The following DPP10 variants were observed in gnomAD, a reference collection of about 807,000 sequenced individuals.
DPP10 encodes dipeptidyl peptidase like 10, also known as inactive dipeptidyl peptidase 10.
DPP10 carries 33 observed loss-of-function variants against 120.9 expected under a neutral mutation model. The observed-to-expected ratio is 0.27, with a 90% CI of 0.21 to 0.37. The LOEUF (loss-of-function observed/expected upper bound fraction) is 0.37. Ranked by LOEUF, DPP10 falls within the 10% of genes least tolerant of loss-of-function variation. DPP10 has a pLI of 1.00. For missense variants in DPP10, 816 were observed against 942.8 expected, an observed-to-expected ratio of 0.87 and a Z score of 1.76; for synonymous variants, 337 against 326.1, an observed-to-expected ratio of 1.03 and a Z score of -0.36.
rs141057562 is a variant in DPP10 at position 115,782,403 on chromosome 2, A to G, written c.1531+4A>G. 8,127 of 1,611,268 alleles carry G rather than the reference A, an allele frequency of 5.0e-3. 27 individuals are homozygous for G. Among genetic ancestry groups the G allele is most frequent in the Non-Finnish European group, 5.9e-3 (6,976 of 1,177,566 alleles). On this transcript the variant is annotated splice_donor_region_variant and intron_variant, in intron 17 of 25. Coordinates refer to ENST00000410059, the MANE Select transcript of DPP10 (RefSeq NM_020868.6). Reference sequence around the variant, plus strand: ...CATAGTACGGACAACCCAGCAAGTGAGTACACAAGAAGACAATTAAGAATA... The same window carrying G: ...CATAGTACGGACAACCCAGCAAGTGGGTACACAAGAAGACAATTAAGAATA...
intron 19 of DPP10, among the ~76,000 whole-genome samples, chr2:115,804,859 G>A (rs148401619): frequency 0.018 from 2,768 of 152,312 alleles, 82 homozygotes; most frequent in African/African-American, 0.061. Context: ...GTGCCTCCCA[G>A]TTAGGCTACT....
chr2:114,747,563 TG>T (rs1558697688), intron 1 of DPP10, among the ~76,000 whole-genome samples: 1 of 152,206 alleles, frequency 6.6e-6, no homozygotes. Context: ...AAAAAATGTA[TG>T]AGCACAGTTT....
chr2:115,277,976 T>A (rs2059988129), intron 1 of DPP10, among the ~76,000 whole-genome samples: 1 of 152,182 alleles, frequency 6.6e-6, no homozygotes, highest in South Asian at 2.1e-4. Flanking sequence ...TCAATTAGTA[T>A]CCCTGATTCA....
chr2:115,333,593 T>C (rs1307335828), intron 2 of DPP10, among the ~76,000 whole-genome samples: 6 of 152,168 alleles, frequency 3.9e-5, no homozygotes, highest in Non-Finnish European at 8.8e-5. Flanking sequence ...AGTGCTTCCT[T>C]CAGGAGCTCT....
chr2:115,794,721 T>C (rs1321538759), intron 19 of DPP10, among the ~76,000 whole-genome samples: 1 of 152,160 alleles, frequency 6.6e-6, no homozygotes, highest in African/African-American at 2.4e-5. Context: ...GTTTTACTCC[T>C]GCCTTTCTGT....
chr2:115,537,907 C>T (rs760561037), intron 5 of DPP10, among the ~76,000 whole-genome samples: 2 of 151,852 alleles, frequency 1.3e-5, no homozygotes, highest in South Asian at 2.1e-4. Flanking sequence ...AAGTTGATAC[C>T]AGTTGTTGAC....
At chr2:115,767,632 T>C (rs1403968181) in intron 12 of DPP10, among the ~76,000 whole-genome samples, 1 of 151,954 alleles carries the variant, frequency 6.6e-6, no homozygotes, top group Non-Finnish European at 1.5e-5. Context: ...AATAATTCTA[T>C]TGATTTAATG....
intron 3 of DPP10, among the ~76,000 whole-genome samples, chr2:115,435,411 C>G (rs1283060202): frequency 1.3e-5 from 2 of 151,762 alleles, no homozygotes; most frequent in African/African-American, 4.8e-5. Context: ...GAGATGGTGT[C>G]TCATTGTGGT....
intron 5 of DPP10, among the ~76,000 whole-genome samples, chr2:115,662,393 T>G (rs1370848492): frequency 1.3e-5 from 2 of 151,996 alleles, no homozygotes; most frequent in South Asian, 2.1e-4. Flanking sequence ...GAATCAAGGT[T>G]GTTGTATCAT....
intron 5 of DPP10, among the ~76,000 whole-genome samples, chr2:115,585,594 TC>T (rs1330737401): frequency 6.6e-6 from 1 of 152,208 alleles, no homozygotes; most frequent in Non-Finnish European, 1.5e-5. Context: ...TTTTCCTTTT[TC>T]CTCAAAGAAA....
At chr2:114,681,620 T>A (rs1484096109) in intron 1 of DPP10, among the ~76,000 whole-genome samples, 1 of 151,964 alleles carries the variant, frequency 6.6e-6, no homozygotes, top group Non-Finnish European at 1.5e-5. Flanking sequence ...GGGCTGACTT[T>A]ATTATCCAAC....
At chr2:115,388,390 C>G (rs2067099475) in intron 3 of DPP10, among the ~76,000 whole-genome samples, 1 of 152,106 alleles carries the variant, frequency 6.6e-6, no homozygotes, top group Admixed American at 6.6e-5. Context: ...AGGAGAGCCA[C>G]CTGGCTGCAG....
rs192050307 is a variant in DPP10 at position 115,021,839 on chromosome 2, T to A, written c.61-287400T>A. ...GATCAAGTGGGTTTCATACCAGGGATGCAGGAATGGATTAACATCTGCAAG... is the reference window on the plus strand; with the variant it reads ...GATCAAGTGGGTTTCATACCAGGGAAGCAGGAATGGATTAACATCTGCAAG... On this transcript the variant is annotated intron_variant, in intron 1 of 25. Coordinates refer to ENST00000410059, the MANE Select transcript of DPP10 (RefSeq NM_020868.6). Among the ~76,000 whole-genome samples the A allele has an allele frequency of 1.3e-3, 198 of 152,266 alleles. 3 individuals are homozygous for A. In the Middle Eastern group the frequency reaches 0.027, roughly 21 times the overall value.
intron 3 of DPP10, among the ~76,000 whole-genome samples, chr2:115,465,259 T>G (rs1297309892): frequency 6.6e-6 from 1 of 152,128 alleles, no homozygotes; most frequent in Admixed American, 6.6e-5. Flanking sequence ...TTATTTCTTT[T>G]AAAACACACG....
chr2:114,569,339 C>T (rs993123788), intron 1 of DPP10, among the ~76,000 whole-genome samples: 1 of 152,100 alleles, frequency 6.6e-6, no homozygotes, highest in African/African-American at 2.4e-5. Flanking sequence ...TAAGTCATTC[C>T]CCGAGGGAAA....
chr2:114,466,081 A>G lies in DPP10; in HGVS notation c.60+23243A>G, dbSNP rs138377821. Among the ~76,000 whole-genome samples the G allele has an allele frequency of 3.5e-3, 538 of 152,254 alleles. 10 individuals carry two copies. The highest frequency in any genetic ancestry group is 4.7e-3 in the Non-Finnish European group (321 of 68,036). On this transcript the variant is annotated intron_variant, in intron 1 of 25. Coordinates refer to ENST00000410059, the MANE Select transcript of DPP10 (RefSeq NM_020868.6). ...AAGAAATAATACTATTAGGATGATA[A>G]TTTCCCACAAATTCATCTATAAATT...
intron 13 of DPP10, among the ~76,000 whole-genome samples, chr2:115,776,313 C>T (rs983636863): frequency 6.6e-6 from 1 of 152,062 alleles, no homozygotes; most frequent in Non-Finnish European, 1.5e-5. Context: ...CCCCCAACCT[C>T]CTGACAGGCG....
At chr2:115,459,848 G>T (rs2073874816) in intron 3 of DPP10, among the ~76,000 whole-genome samples, 5 of 150,726 alleles carry the variant, frequency 3.3e-5, no homozygotes, top group Admixed American at 2.7e-4. Context: ...TAAAGAACAA[G>T]CTGGAAAGGA....
chr2:115,279,655 C>CTTTTTTTTTTTTTTTT lies in DPP10; in HGVS notation c.61-29572_61-29557dup, dbSNP rs70941039. Among the ~76,000 whole-genome samples, 67 of 42,724 alleles carry CTTTTTTTTTTTTTTTT rather than the reference C, an allele frequency of 1.6e-3. 9 individuals carry two copies. The highest frequency in any genetic ancestry group is 3.5e-3 in the African/African-American group (32 of 9,160). 28.0% of individuals were successfully genotyped at this position (42,724 alleles called of 152,430 possible). On this transcript the variant is annotated intron_variant, in intron 1 of 25. Coordinates refer to ENST00000410059, the MANE Select transcript of DPP10 (RefSeq NM_020868.6). ...TTTCTTTCTTTCTTTTTTTCTTCTT[C>CTTTTTTTTTTTTTTTT]TTTTTTTTTTTTTTTTTTTTTTTTT...
Sources: allele counts gnomAD v4.1 joint callset (sites outside exome capture counted in the v4.1 genomes callset), GRCh38; gene constraint gnomAD v4.1.1; transcripts MANE v1.5; gene names NCBI Gene and HGNC (gene_info 2026-07-23, HGNC 2026-07-21).